Variants in CNTNAP2 observed in about 807,000 individuals in gnomAD.
The protein encoded by CNTNAP2 is contactin associated protein 2.
Under a neutral mutation model 155.2 loss-of-function variants are expected in CNTNAP2, and 98 were observed. That is an observed-to-expected ratio of 0.63 (90% CI 0.54 to 0.75). The LOEUF is 0.75. CNTNAP2 is among the 30% of genes least tolerant of loss of function. The pLI is 0.00. For synonymous variants in CNTNAP2, 651 were observed against 631.2 expected, an observed-to-expected ratio of 1.03 and a Z score of -0.47; for missense variants, 1,727 against 1,688.1, an observed-to-expected ratio of 1.02 and a Z score of -0.40.
At chr7:147,971,188 C>G (rs1801328309) in intron 14 of CNTNAP2, among the ~76,000 whole-genome samples, 1 of 152,144 alleles carries the variant, frequency 6.6e-6, no homozygotes, top group South Asian at 2.1e-4. Context: ...TAGTTCATTA[C>G]CCTGCTACTT....
At chr7:146,610,548 T>C (rs1208887541) in intron 1 of CNTNAP2, among the ~76,000 whole-genome samples, 1 of 152,164 alleles carries the variant, frequency 6.6e-6, no homozygotes, top group Non-Finnish European at 1.5e-5. Context: ...GAATTCAGCA[T>C]TAGTGAAAGT....
At position 147,667,865 on chromosome 7, in the gene CNTNAP2, C is replaced by T. The variant is rs757036654; in HGVS notation, c.2098+28559C>T. On this transcript the variant is annotated intron_variant, in intron 13 of 23. Coordinates refer to ENST00000361727, the MANE Select transcript of CNTNAP2 (RefSeq NM_014141.6). ...TACCAATGCAATTCTGGAAGGATTACGACATCTCTGACTGCACCAAGAATC... is the reference window on the plus strand; with the variant it reads ...TACCAATGCAATTCTGGAAGGATTATGACATCTCTGACTGCACCAAGAATC... Among the ~76,000 whole-genome samples, 47 of 151,420 alleles carry T rather than the reference C, an allele frequency of 3.1e-4. 1 individual carries two copies. The highest frequency in any genetic ancestry group is 5.8e-4 in the Non-Finnish European group (39 of 67,756).
intron 15 of CNTNAP2, among the ~76,000 whole-genome samples, chr7:147,998,458 G>A (rs17170777): frequency 0.28 from 42,346 of 152,022 alleles, 6,067 homozygotes; most frequent in Middle Eastern, 0.34. Context: ...ATAGCAGGCT[G>A]CAGATACAGA....
chr7:146,856,285 GATAGATAGA>G (rs1221204430), intron 3 of CNTNAP2, among the ~76,000 whole-genome samples: 1 of 78,160 alleles, frequency 1.3e-5, no homozygotes, highest in Admixed American at 1.5e-4. Context: ...TAGATAGATA[GATAGATAGA>G]TAGATACATA....
chr7:148,268,611 C>T (rs888908785), intron 21 of CNTNAP2, among the ~76,000 whole-genome samples: 3 of 151,708 alleles, frequency 2.0e-5, no homozygotes, highest in African/African-American at 4.8e-5. Flanking sequence ...GCCGAGATCA[C>T]GCCACTGCAC....
At chr7:147,952,177 C>T (rs71534741) in intron 14 of CNTNAP2, among the ~76,000 whole-genome samples, 98,657 of 120,686 alleles carry the variant, frequency 0.82, 41,105 homozygotes, top group South Asian at 0.9. Context: ...GCACGGTGGC[C>T]CACACCTGTA....
At chr7:146,544,479 A>ATGATAACACTATTTTGAT (rs1797999545) in intron 1 of CNTNAP2, among the ~76,000 whole-genome samples, 1 of 151,998 alleles carries the variant, frequency 6.6e-6, no homozygotes, top group Non-Finnish European at 1.5e-5. Flanking sequence ...CAAAATATGA[A>ATGATAACACTATTTTGAT]TGATAACACT....
chr7:147,809,301 A>G (rs1490424697), intron 13 of CNTNAP2, among the ~76,000 whole-genome samples: 5 of 152,210 alleles, frequency 3.3e-5, no homozygotes, highest in Admixed American at 1.3e-4. Flanking sequence ...CAGCTTCCCC[A>G]TCTGTAAATA....
chr7:147,987,536 A>G (rs1284220488), intron 15 of CNTNAP2, among the ~76,000 whole-genome samples: 2 of 152,202 alleles, frequency 1.3e-5, no homozygotes, highest in African/African-American at 4.8e-5. Context: ...TTGTCAACAA[A>G]GAGTCAAATT....
chr7:146,285,481 TAAGGTTTTATTAAG>T (rs901189465), intron 1 of CNTNAP2, among the ~76,000 whole-genome samples: 18 of 152,204 alleles, frequency 1.2e-4, no homozygotes, highest in South Asian at 8.3e-4. Flanking sequence ...AGAAAACATT[TAAGGTTTTATTAAG>T]AAGGTTTTAT....
intron 13 of CNTNAP2, among the ~76,000 whole-genome samples, chr7:147,737,769 C>T (rs59583114): frequency 0.068 from 10,343 of 152,216 alleles, 1,090 homozygotes; most frequent in African/African-American, 0.23. Flanking sequence ...ATCTCAGACA[C>T]GCTGTGCTAG....
chr7:146,492,281 G>A (rs529300732), intron 1 of CNTNAP2, among the ~76,000 whole-genome samples: 1 of 152,070 alleles, frequency 6.6e-6, no homozygotes, highest in African/African-American at 2.4e-5. Context: ...GAAAGCATGA[G>A]TAACTAATAC....
rs543265439 is a variant in CNTNAP2, at chr7:146,508,231, C to T, written c.98-266040C>T. Among the ~76,000 whole-genome samples the T allele has an allele frequency of 7.9e-5, 12 of 152,200 alleles. 1 individual carries two copies. The highest frequency in any genetic ancestry group is 2.6e-4 in the African/African-American group (11 of 41,536). On this transcript the variant is annotated intron_variant, in intron 1 of 23. Coordinates refer to ENST00000361727, the MANE Select transcript of CNTNAP2 (RefSeq NM_014141.6). ...GTATTGATGGGTGGAAGTAACCTGT[C>T]GGGGTTGTGGCAGGACCTGGGGCCA...
chr7:147,325,879 C>T (rs1020465601), intron 9 of CNTNAP2, among the ~76,000 whole-genome samples: 1 of 152,222 alleles, frequency 6.6e-6, no homozygotes, highest in Middle Eastern at 3.4e-3. Flanking sequence ...AACTAACTCC[C>T]TATTTCTTCC....
At chr7:148,103,132 G>C (rs1804138258) in intron 15 of CNTNAP2, among the ~76,000 whole-genome samples, 1 of 151,854 alleles carries the variant, frequency 6.6e-6, no homozygotes, top group Non-Finnish European at 1.5e-5. Context: ...GTTTATCTCA[G>C]TGAGCAGAGG....
chr7:147,093,922 G>C (rs1290748295), intron 4 of CNTNAP2, among the ~76,000 whole-genome samples: 1 of 152,116 alleles, frequency 6.6e-6, no homozygotes, highest in Admixed American at 6.5e-5. Context: ...GAAGAAAAAG[G>C]TAACAGGTCC....
intron 13 of CNTNAP2, among the ~76,000 whole-genome samples, chr7:147,729,782 G>A (rs1796709033): frequency 6.6e-6 from 1 of 151,982 alleles, no homozygotes; most frequent in Admixed American, 6.6e-5. Context: ...TTTAAATGGT[G>A]GACAATATGG....
intron 2 of CNTNAP2, among the ~76,000 whole-genome samples, chr7:146,827,189 A>G (rs191123198): frequency 2.0e-5 from 3 of 152,114 alleles, no homozygotes; most frequent in East Asian, 1.9e-4. Context: ...TTGAGTGCCT[A>G]TTATGTCCAG....
intron 8 of CNTNAP2, among the ~76,000 whole-genome samples, chr7:147,171,279 T>A (rs995191516): frequency 6.6e-6 from 1 of 152,192 alleles, no homozygotes; most frequent in Non-Finnish European, 1.5e-5. Flanking sequence ...ATCTGCGTGT[T>A]TTCTTCATCC....
Sources: gnomAD v4.1 joint callset for allele counts (sites outside exome capture counted in the v4.1 genomes callset) on GRCh38, gnomAD v4.1.1 for gene constraint, MANE v1.5 for transcripts, NCBI Gene and HGNC (gene_info 2026-07-23, HGNC 2026-07-21) for gene names.